The following FMNL2 variants were observed in gnomAD, a reference collection of about 807,000 sequenced individuals.
FMNL2 encodes the protein formin-like protein 2.
FMNL2 carries 51 observed loss-of-function variants against 130.2 expected under a neutral mutation model. The observed-to-expected ratio is 0.39, with a 90% confidence interval of 0.31 to 0.49. FMNL2 has a LOEUF of 0.49. Ranked by LOEUF, FMNL2 falls within the 20% of genes least tolerant of loss-of-function variation. The probability of loss-of-function intolerance (pLI) is 0.85; values close to 1 mark genes in which losing one functional copy is unlikely to be tolerated. For synonymous variants in FMNL2, 465 were observed against 467.1 expected (o/e 1.00, Z 0.06); for missense variants, 977 against 1,316.2 (o/e 0.74, Z 3.99).
At chr2:152,507,718 C>T (rs1692251187) in intron 1 of FMNL2, among the ~76,000 whole-genome samples, 1 of 151,910 alleles carries the variant, frequency 6.6e-6, no homozygotes, top group Non-Finnish European at 1.5e-5. Context: ...ACTGTGCTAC[C>T]GTCCATGTGT....
At chr2:152,638,481 T>C (rs887708144) in intron 23 of FMNL2, among the ~76,000 whole-genome samples, 3 of 152,110 alleles carry the variant, frequency 2.0e-5, no homozygotes, top group South Asian at 2.1e-4. Context: ...CTGTTGGAAA[T>C]AGGGGGACAC....
intron 9 of FMNL2, among the ~76,000 whole-genome samples, chr2:152,604,972 A>G (rs549586755): frequency 6.9e-6 from 1 of 144,392 alleles, no homozygotes; most frequent in Admixed American, 6.9e-5. Context: ...TTTTTTACCC[A>G]CAGATCCCTT....
At chr2:152,586,805 G>A (rs994664944) in intron 9 of FMNL2, among the ~76,000 whole-genome samples, 6 of 152,032 alleles carry the variant, frequency 3.9e-5, no homozygotes, top group Non-Finnish European at 8.8e-5. Context: ...AACTTTTTTT[G>A]TCTGTTTATC....
intron 3 of FMNL2, among the ~76,000 whole-genome samples, chr2:152,543,885 G>A (rs1031966419): frequency 5.9e-5 from 9 of 152,066 alleles, no homozygotes; most frequent in African/African-American, 1.9e-4. Flanking sequence ...ATCACTGGCT[G>A]TATGTCATAT....
chr2:152,437,650 T>G (rs1043555901), intron 1 of FMNL2, among the ~76,000 whole-genome samples: 1 of 152,194 alleles, frequency 6.6e-6, no homozygotes, highest in African/African-American at 2.4e-5. Context: ...TTTTACAGTC[T>G]ATCGGTTTGT....
At position 152,501,705 on chromosome 2, in the gene FMNL2, CT is replaced by C. The variant is rs773450539; in HGVS notation, c.118-20226del. 4.3e-3 allele frequency among the ~76,000 whole-genome samples: 633 copies of C among 145,910 alleles called. 2 individuals carry two copies. The highest frequency in any genetic ancestry group is 6.5e-3 in the Non-Finnish European group (430 of 65,896). The stretch of plus-strand genomic sequence containing the variant: ...TTTCCATCTGTGTAAATTTGCGTGA[CT>C]TTTTTTTTTTTAATTTTGAGTAATT... On this transcript the variant is annotated intron_variant, in intron 1 of 25. Transcript: ENST00000288670.
chr2:152,338,022 T>G (rs1203459228), intron 1 of FMNL2, among the ~76,000 whole-genome samples: 4 of 85,064 alleles, frequency 4.7e-5, no homozygotes, highest in Non-Finnish European at 8.2e-5. Flanking sequence ...ATTTCTCTTG[T>G]TTTTTTTTTT....
chr2:152,346,304 T>A (rs921088722), intron 1 of FMNL2, among the ~76,000 whole-genome samples: 5 of 152,088 alleles, frequency 3.3e-5, no homozygotes, highest in African/African-American at 1.2e-4. Context: ...GGATTACAGG[T>A]GTGAGCCACT....
At chr2:152,350,144 G>A (rs1203304496) in intron 1 of FMNL2, among the ~76,000 whole-genome samples, 1 of 152,206 alleles carries the variant, frequency 6.6e-6, no homozygotes, top group Non-Finnish European at 1.5e-5. Flanking sequence ...AGGTCTGAGT[G>A]AGGAGGAGCA....
intron 1 of FMNL2, among the ~76,000 whole-genome samples, chr2:152,477,517 G>C (rs1690219990): frequency 6.6e-6 from 1 of 152,144 alleles, no homozygotes; most frequent in African/African-American, 2.4e-5. Context: ...AGCTCTGATT[G>C]CTGTAGATCC....
chr2:152,431,824 C>A (rs1363110066), intron 1 of FMNL2, among the ~76,000 whole-genome samples: 1 of 151,804 alleles, frequency 6.6e-6, no homozygotes, highest in Non-Finnish European at 1.5e-5. Flanking sequence ...AATAGACAGA[C>A]ATGGTGGCAC....
intron 15 of FMNL2, among the ~76,000 whole-genome samples, chr2:152,624,387 A>G (rs2105913635): frequency 6.6e-6 from 1 of 151,652 alleles, no homozygotes; most frequent in South Asian, 2.1e-4. Context: ...TGAACTTCTG[A>G]CCTCAGGTGA....
chr2:152,362,627 CT>C (rs1482739919), intron 1 of FMNL2, among the ~76,000 whole-genome samples: 2 of 151,816 alleles, frequency 1.3e-5, no homozygotes, highest in African/African-American at 4.8e-5. Flanking sequence ...TCCTGAGTGC[CT>C]TGTGGTTCTT....
At chr2:152,614,032 C>T (rs1289833519) in intron 11 of FMNL2, among the ~76,000 whole-genome samples, 1 of 152,146 alleles carries the variant, frequency 6.6e-6, no homozygotes, top group Non-Finnish European at 1.5e-5. Context: ...TGGGCTCTAG[C>T]AATTTGTGCT....
At chr2:152,589,993 A>ATGTATATG (rs1332756674) in intron 9 of FMNL2, among the ~76,000 whole-genome samples, 9 of 114,612 alleles carry the variant, frequency 7.9e-5, no homozygotes, top group African/African-American at 2.7e-4. Flanking sequence ...ATGTATATGT[A>ATGTATATG]TATGTATATA....
chr2:152,341,544 C>G (rs553966634), intron 1 of FMNL2, among the ~76,000 whole-genome samples: 11 of 152,310 alleles, frequency 7.2e-5, no homozygotes, highest in Non-Finnish European at 1.5e-4. Context: ...TTTCTAGAAT[C>G]ATATTTGCTG....
chr2:152,570,386 G>C (rs1047955900), intron 6 of FMNL2, among the ~76,000 whole-genome samples: 1 of 152,194 alleles, frequency 6.6e-6, no homozygotes, highest in Non-Finnish European at 1.5e-5. Flanking sequence ...GAAATTTGGT[G>C]CTGTTAGTTT....
At chr2:152,590,077 G>A (rs1697348864) in intron 9 of FMNL2, among the ~76,000 whole-genome samples, 1 of 146,774 alleles carries the variant, frequency 6.8e-6, no homozygotes, top group Admixed American at 6.9e-5. Context: ...GTGGAGACAA[G>A]ATCTTGCTAT....
At chr2:152,554,242 A>G (rs1201072026) in intron 4 of FMNL2, among the ~76,000 whole-genome samples, 1 of 152,178 alleles carries the variant, frequency 6.6e-6, no homozygotes, top group African/African-American at 2.4e-5. Context: ...CCCTGTCTCT[A>G]TAAAAAATAC....
Sources: allele counts gnomAD v4.1 joint callset (sites outside exome capture counted in the v4.1 genomes callset), GRCh38; gene constraint gnomAD v4.1.1; transcripts MANE v1.5; gene names NCBI Gene and HGNC (gene_info 2026-07-23, HGNC 2026-07-21).